Variants in TNXB observed in about 807,000 individuals in gnomAD.
The protein encoded by TNXB is tenascin-X.
TNXB carries 183 observed loss-of-function variants against 340.5 expected under a neutral mutation model. The observed-to-expected ratio is 0.54, with a 90% confidence interval of 0.48 to 0.61. The LOEUF (loss-of-function observed/expected upper bound fraction) is 0.61, where lower values mean the gene tolerates loss of function less well. Among genes scored for constraint, TNXB ranks in the 20% least tolerant of loss-of-function variants. The pLI is 0.00. For synonymous variants in TNXB, 2,121 were observed against 2,314.5 expected (o/e 0.92, Z 2.40); for missense variants, 4,613 against 5,446.4 (o/e 0.85, Z 4.82).
rs768185997 is a variant in TNXB, at chr6:32,087,901, C to T, written c.2779+884G>A. ...TGCTGGCCTCGAGGGCCAAGGGGGC[C>T]GTGGGGGCCGCGGGGCTGGGGCTGG... On this transcript the variant is annotated intron_variant, in intron 6 of 43. Transcript: ENST00000644971. The surrounding 1 kb of genome is among the most constrained non-coding windows in gnomAD (Gnocchi z 9.0). 1 of 159,620 alleles carries T rather than the reference C, an allele frequency of 6.3e-6. No homozygotes were observed. Among genetic ancestry groups the T allele is most frequent in the East Asian group, 1.6e-4 (1 of 6,252 alleles). 9.9% of individuals were successfully genotyped at this position (159,620 alleles called of 1,614,324 possible). A position where few individuals can be genotyped will look rare whatever the true frequency, so the allele number is the denominator to read the frequency against.
chr6:32,103,102 A>C (rs1303761315), intron 1 of TNXB, among the ~76,000 whole-genome samples: 1 of 151,974 alleles, frequency 6.6e-6, no homozygotes, highest in Non-Finnish European at 1.5e-5. Flanking sequence ...CTGCACACTT[A>C]AGACTTTGGC....
chr6:32,097,648 C>G lies in TNXB; in HGVS notation c.403+148G>C. On this transcript the variant is annotated intron_variant, in intron 2 of 43. Coordinates refer to ENST00000644971, the MANE Select transcript of TNXB (RefSeq NM_001365276.2). The surrounding 1 kb of genome is among the most constrained non-coding windows in gnomAD (Gnocchi z 5.9). ...GCTTTGGTTGACATGTAGCCCAGCT[C>G]TGCTCTCCAAGTTGTGTTCTGGGCT... 1.8e-6 allele frequency: 2 copies of G among 1,137,744 alleles called. No homozygotes were observed. Among genetic ancestry groups the G allele is most frequent in the Non-Finnish European group, 2.4e-6 (2 of 828,198 alleles). 70.5% of individuals were successfully genotyped at this position (1,137,744 alleles called of 1,614,324 possible).
At chr6:32,045,945 A>T in intron 31 of TNXB, 1 of 1,276,656 alleles carries the variant, frequency 7.8e-7, no homozygotes, top group Non-Finnish European at 9.9e-7. Context: ...GGGCTGGGAG[A>T]TTAGAGAGCC....
intron 25 of TNXB, 86 bp downstream of exon 25, chr6:32,053,301 AG>A: frequency 6.5e-7 from 1 of 1,532,038 alleles, no homozygotes; most frequent in Non-Finnish European, 8.8e-7. Flanking sequence ...CCAAGAGCAG[AG>A]GGGCTTCCTG....
chr6:32,058,474 C>T lies in TNXB; in HGVS notation c.7493-84G>A, dbSNP rs975766897. The stretch of plus-strand genomic sequence containing the variant: ...GGTGCTGTCAACAGAGGTCATACAT[C>T]AAATGTGCCCCTCCAGAGCAGGCTG... On this transcript the variant is annotated intron_variant, in intron 21 of 43. Coordinates refer to ENST00000644971, the MANE Select transcript of TNXB (RefSeq NM_001365276.2). This position sits in a 1 kb window ranked among gnomAD's most constrained non-coding sequence, Gnocchi z 5.1. 8.4e-7 allele frequency: 1 copy of T among 1,196,954 alleles called. No homozygotes were observed. The highest frequency in any genetic ancestry group is 1.2e-6 in the Non-Finnish European group (1 of 868,294). The allele number at this position is 1,196,954 out of a possible 1,614,324, so 74.1% of individuals were successfully genotyped here. A position where few individuals can be genotyped will look rare whatever the true frequency, so the allele number is the denominator to read the frequency against.
At position 32,079,432 on chromosome 6, in the gene TNXB, T is replaced by A; in HGVS notation, c.4043-67A>T. 7.5e-7 allele frequency: 1 copy of A among 1,335,562 alleles called. No individual in the cohort carries two copies. Among genetic ancestry groups the A allele is most frequent in the African/African-American group, 1.5e-5 (1 of 68,568 alleles). The allele number at this position is 1,335,562 out of a possible 1,614,324, so 82.7% of individuals were successfully genotyped here. A position where few individuals can be genotyped will look rare whatever the true frequency, so the allele number is the denominator to read the frequency against. Reference sequence around the variant, plus strand: ...TGCTGCTGCCCACAGATGACAGCCATGGAAATGCCCTTACGCTGTGGGCTC... The same window carrying A: ...TGCTGCTGCCCACAGATGACAGCCAAGGAAATGCCCTTACGCTGTGGGCTC... On this transcript the variant is annotated intron_variant, in intron 10 of 43. Transcript: ENST00000644971. The surrounding 1 kb of genome is among the most constrained non-coding windows in gnomAD (Gnocchi z 7.1).
rs371681556 is a variant in TNXB, at chr6:32,068,645, G to A, written c.5965C>T (p.Arg1989Cys). Residue 1989 changes from arginine (R) to cysteine (C), a missense_variant, in exon 17 of 44, where the codon CGC (arginine) becomes TGC (cysteine). Arg to Cys is a radical substitution (Grantham distance 180, BLOSUM62 -3). Coordinates refer to ENST00000644971, the MANE Select transcript of TNXB (RefSeq NM_001365276.2). This position sits in a 1 kb window ranked among gnomAD's most constrained non-coding sequence, Gnocchi z 5.3. Reference sequence around the variant, plus strand: ...TCTGTCACGGTCAGCTCCCCCAGGCGAGGCTTGATGGGGGGCTCGGGGGTT... The same window carrying A: ...TCTGTCACGGTCAGCTCCCCCAGGCAAGGCTTGATGGGGGGCTCGGGGGTT... ...TATPEPPIKP[R>C]LGELTVTDAT... 1.1e-4 allele frequency: 172 copies of A among 1,613,840 alleles called. No homozygotes were observed. The highest frequency in any genetic ancestry group is 1.4e-4 in the Non-Finnish European group (168 of 1,179,896).
At position 32,081,339 on chromosome 6, in the gene TNXB, G is replaced by A; in HGVS notation, c.4042+29C>T. On this transcript the variant is annotated intron_variant, in intron 10 of 43. Coordinates refer to ENST00000644971, the MANE Select transcript of TNXB (RefSeq NM_001365276.2). This position sits in a 1 kb window ranked among gnomAD's most constrained non-coding sequence, Gnocchi z 5.1. The stretch of plus-strand genomic sequence containing the variant: ...CCCGCTCACAGGATGGGGCTAGCAG[G>A]GGAGGGAGGCCTGGCAGCCATGACT... The A allele has an allele frequency of 6.6e-7, 1 of 1,517,576 alleles. No homozygotes were observed. Among genetic ancestry groups the A allele is most frequent in the African/African-American group, 1.4e-5 (1 of 72,722 alleles). The allele number at this position is 1,517,576 out of a possible 1,614,324, so 94.0% of individuals were successfully genotyped here. A position where few individuals can be genotyped will look rare whatever the true frequency, so the allele number is the denominator to read the frequency against.
rs752627211 is a variant in TNXB at position 32,052,777 on chromosome 6, C to T, written c.9008G>A (p.Ser3003Asn). Residue 3003 changes from serine to asparagine, a missense_variant, in exon 26 of 44, where the codon AGC becomes AAC. Around this residue, in one of 7 missense-constraint regions of TNXB, gnomAD observed 4,327 missense variants for 4,859.4 expected, o/e 0.89. Coordinates refer to ENST00000644971, the MANE Select transcript of TNXB (RefSeq NM_001365276.2). This position sits in a 1 kb window ranked among gnomAD's most constrained non-coding sequence, Gnocchi z 4.7. ...CTCCAGGCCCCCCACGGTGACCTCG[C>T]TCTCCTCGCCCCTGACACGCACCAC... ...PQVVRVRGEE[S>N]EVTVGGLEPG... is the part of the protein sequence containing the mutation. 17 of 1,613,718 alleles carry T rather than the reference C, an allele frequency of 1.1e-5. No homozygotes were observed. Among genetic ancestry groups the T allele is most frequent in the Non-Finnish European group, 1.4e-5 (16 of 1,179,896 alleles).
chr6:32,050,909 C>T (rs1777249462), intron 26 of TNXB, among the ~76,000 whole-genome samples: 1 of 152,316 alleles, frequency 6.6e-6, no homozygotes. Flanking sequence ...CATCTTTAGC[C>T]CCCACAGATG....
chr6:32,085,727 T>A lies in TNXB; in HGVS notation c.3148+23A>T, dbSNP rs766577394. 1 of 1,507,886 alleles carries A rather than the reference T, an allele frequency of 6.6e-7. No individual in the cohort carries two copies. The highest frequency in any genetic ancestry group is 1.4e-5 in the South Asian group (1 of 72,946). The allele number at this position is 1,507,886 out of a possible 1,614,324, so 93.4% of individuals were successfully genotyped here. ...TCCTCCCCCAATCTCAGGATATTGA[T>A]CTGAGCAGAGTCCAAGATGTACCCA... On this transcript the variant is annotated intron_variant, in intron 7 of 43. Coordinates refer to ENST00000644971, the MANE Select transcript of TNXB (RefSeq NM_001365276.2). This position sits in a 1 kb window ranked among gnomAD's most constrained non-coding sequence, Gnocchi z 6.4.
chr6:32,047,957 G>A lies in TNXB; in HGVS notation c.10101C>T (p.Thr3367=). ...TCCACGAGAGGCCCACGGAGTCAGGGGTCGCATCTGTCACAGTCAGCTCCC... is the reference window on the plus strand; with the variant it reads ...TCCACGAGAGGCCCACGGAGTCAGGAGTCGCATCTGTCACAGTCAGCTCCC... ...RLGELTVTDA[T]PDSVGLSWTV... Residue 3367 remains threonine, a synonymous_variant, in exon 30 of 44, where the codon ACC becomes ACT. Transcript: ENST00000644971. The surrounding 1 kb of genome is among the most constrained non-coding windows in gnomAD (Gnocchi z 6.2). The A allele has an allele frequency of 1.2e-6, 2 of 1,612,012 alleles. No individual in the cohort carries two copies. Among genetic ancestry groups the A allele is most frequent in the Admixed American group, 1.7e-5 (1 of 60,022 alleles).
At position 32,086,080 on chromosome 6, in the gene TNXB, G is replaced by T. The variant is rs775719377; in HGVS notation, c.2818C>A (p.Pro940Thr). 5.7e-6 allele frequency: 9 copies of T among 1,571,586 alleles called. No homozygotes were observed. Among genetic ancestry groups the T allele is most frequent in the Non-Finnish European group, 7.8e-6 (9 of 1,159,136 alleles). ...PLGLLGTTDE[P>T]PPSGPSTTQG... ...GTCGTCGAGGGGCCTGAGGGAGGAG[G>T]CTCATCGGTAGTCCCCAAGAGGCCC... is the stretch of plus-strand genomic sequence containing the variant. Residue 940 changes from proline to threonine, a missense_variant, in exon 7 of 44, where the codon CCT becomes ACT. Pro to Thr is a conservative substitution (Grantham distance 38). This residue lies in a region of TNXB where 4,327 missense variants were observed against 4,859.4 expected (regional missense o/e 0.89). Coordinates refer to ENST00000644971, the MANE Select transcript of TNXB (RefSeq NM_001365276.2).
intron 4 of TNXB, chr6:32,093,518 T>C: frequency 1.6e-6 from 1 of 628,604 alleles, no homozygotes; most frequent in Admixed American, 2.5e-5. Flanking sequence ...CTCTGAGCTG[T>C]CCCCTTCTGT....
At position 32,049,903 on chromosome 6, in the gene TNXB, A is replaced by G; in HGVS notation, c.9439+95T>C. On this transcript the variant is annotated intron_variant, in intron 27 of 43. Transcript: ENST00000644971. This position sits in a 1 kb window ranked among gnomAD's most constrained non-coding sequence, Gnocchi z 4.5. Reference sequence around the variant, plus strand: ...AGCCACAAGCAGTTCTGTGGTGCTGACCAGACCCCTGTCCCATTCCCCACC... The same window carrying G: ...AGCCACAAGCAGTTCTGTGGTGCTGGCCAGACCCCTGTCCCATTCCCCACC... 6.4e-7 allele frequency: 1 copy of G among 1,573,786 alleles called. No homozygotes were observed. Among genetic ancestry groups the G allele is most frequent in the Non-Finnish European group, 8.7e-7 (1 of 1,153,732 alleles).
chr6:32,062,274 C>T lies in TNXB; in HGVS notation c.7051G>A (p.Gly2351Arg), dbSNP rs201638755. The T allele has an allele frequency of 2.8e-4, 449 of 1,613,414 alleles. 3 individuals are homozygous for T. In the African/African-American group the frequency reaches 4.6e-3, roughly 16 times the overall value. The change falls in exon 20 of 44, where the codon GGA becomes AGA. Residue 2351 changes from glycine to arginine, a missense_variant. Gly to Arg is a moderately radical substitution (Grantham distance 125, BLOSUM62 -2). Around this residue, in one of 7 missense-constraint regions of TNXB, gnomAD observed 4,327 missense variants for 4,859.4 expected, o/e 0.89. Coordinates refer to ENST00000644971, the MANE Select transcript of TNXB (RefSeq NM_001365276.2). This position sits in a 1 kb window ranked among gnomAD's most constrained non-coding sequence, Gnocchi z 4.3. ...DGQPKATRVPGHEDRVTISGL... is the reference protein window; with the variant it reads ...DGQPKATRVPRHEDRVTISGL... ...GAGATGGTGACCCTGTCCTCATGTC[C>T]TGGCACCCGTGTTGCCTTGGGCTGC...
Position 32,068,713 on chromosome 6 carries a change from C to A in TNXB, c.5903-6G>T. ...AGGCTTCTCCTCCTCCGGGACTGGA[C>A]AGAGACATGGAAAGAGAGGACTGAG... On this transcript the variant is annotated splice_polypyrimidine_tract_variant and splice_region_variant and intron_variant, in intron 16 of 43. Transcript: ENST00000644971. This position sits in a 1 kb window ranked among gnomAD's most constrained non-coding sequence, Gnocchi z 5.3. 6.2e-7 allele frequency: 1 copy of A among 1,611,542 alleles called. No homozygotes were observed. Among genetic ancestry groups the A allele is most frequent in the Non-Finnish European group, 8.5e-7 (1 of 1,178,188 alleles).
intron 4 of TNXB, chr6:32,093,325 A>G (rs1780163970): frequency 1.5e-6 from 1 of 689,106 alleles, no homozygotes; most frequent in Non-Finnish European, 2.7e-6. Context: ...AAGTATTTTT[A>G]TAACAACAAC....
At position 32,061,440 on chromosome 6, in the gene TNXB, G is replaced by A. The variant is rs769682713; in HGVS notation, c.7449C>T (p.His2483=). Residue 2483 remains histidine, a synonymous_variant, in exon 21 of 44, where the codon CAC becomes CAT. Transcript: ENST00000644971. The surrounding 1 kb of genome is among the most constrained non-coding windows in gnomAD (Gnocchi z 4.4). ...RKYKMHLYGL[H]EGRRVGPVST... ...ACACCGGGCCCACGCGCCGCCCCTC[G>A]TGGAGGCCATACAGGTGCATCTTGT... is the stretch of plus-strand genomic sequence containing the variant. 16 of 1,612,832 alleles carry A rather than the reference G, an allele frequency of 9.9e-6. No individual in the cohort carries two copies. Among genetic ancestry groups the A allele is most frequent in the African/African-American group, 8.1e-5 (6 of 74,518 alleles).
Sources: allele counts gnomAD v4.1 joint callset (sites outside exome capture counted in the v4.1 genomes callset), GRCh38; gene constraint gnomAD v4.1.1; regional missense constraint gnomAD v4.1.1; non-coding constraint Gnocchi (gnomAD v3.1); transcripts MANE v1.5; gene names NCBI Gene and HGNC (gene_info 2026-07-23, HGNC 2026-07-21).